Variants in IGF1 observed in about 807,000 individuals in gnomAD.
IGF1 encodes the protein insulin-like growth factor 1.
In IGF1, 4 loss-of-function variants were observed where a neutral mutation model predicts 13.8. That is an observed-to-expected ratio of 0.29 (90% CI 0.14 to 0.66). The LOEUF (loss-of-function observed/expected upper bound fraction) is 0.66. IGF1 is among the 30% of genes least tolerant of loss of function. IGF1 has a pLI of 0.78. For missense variants in IGF1, 124 were observed against 188.5 expected (o/e 0.66, Z 2.00); for synonymous variants, 76 against 72.6 (o/e 1.05, Z -0.23).
intron 2 of IGF1, among the ~76,000 whole-genome samples, chr12:102,444,427 G>T (rs1407385623): frequency 6.6e-6 from 1 of 151,990 alleles, no homozygotes; most frequent in Non-Finnish European, 1.5e-5. Context: ...ATCAGGAAAT[G>T]AAAGCATTCT....
intron 3 of IGF1, among the ~76,000 whole-genome samples, chr12:102,416,269 C>A (rs1464471843): frequency 6.6e-6 from 1 of 152,322 alleles, no homozygotes; most frequent in East Asian, 1.9e-4. Flanking sequence ...CCTTTCTCAG[C>A]TCTTCTAATT....
chr12:102,417,725 C>A (rs1189086904), intron 3 of IGF1: 15 of 1,556,788 alleles, frequency 9.6e-6, no homozygotes, highest in Non-Finnish European at 1.3e-5. Context: ...GCCTACTTTT[C>A]TTCATTTCCT....
At chr12:102,474,234 C>T (rs560553671) in intron 2 of IGF1, among the ~76,000 whole-genome samples, 20 of 152,260 alleles carry the variant, frequency 1.3e-4, no homozygotes, top group African/African-American at 4.8e-4. Context: ...AATCACTCAC[C>T]CAATGCACTC....
At chr12:102,424,625 A>G (rs1876036775) in intron 2 of IGF1, among the ~76,000 whole-genome samples, 2 of 152,186 alleles carry the variant, frequency 1.3e-5, no homozygotes, top group South Asian at 4.1e-4. Context: ...ATTGTATAAG[A>G]TATGAATAAT....
intron 3 of IGF1, among the ~76,000 whole-genome samples, chr12:102,408,918 G>C (rs1874400671): frequency 6.6e-6 from 1 of 152,040 alleles, no homozygotes; most frequent in Non-Finnish European, 1.5e-5. Flanking sequence ...CCCTATTTCT[G>C]TTCACACATT....
intron 2 of IGF1, among the ~76,000 whole-genome samples, chr12:102,450,468 G>A (rs1376135093): frequency 1.3e-5 from 2 of 152,200 alleles, no homozygotes; most frequent in East Asian, 3.9e-4. Context: ...GCTCCACTTG[G>A]AGACAAATGG....
At chr12:102,450,420 C>T (rs1399014495) in intron 2 of IGF1, among the ~76,000 whole-genome samples, 1 of 152,258 alleles carries the variant, frequency 6.6e-6, no homozygotes, top group Non-Finnish European at 1.5e-5. Flanking sequence ...ATGGCCCCAG[C>T]AGCTCTCTGC....
intron 2 of IGF1, among the ~76,000 whole-genome samples, chr12:102,462,114 C>G (rs556256328): frequency 6.6e-6 from 1 of 152,160 alleles, no homozygotes; most frequent in African/African-American, 2.4e-5. Flanking sequence ...GACTCTATGT[C>G]TATGTGTATT....
At chr12:102,420,848 G>T (rs1243901287) in intron 2 of IGF1, among the ~76,000 whole-genome samples, 1 of 152,170 alleles carries the variant, frequency 6.6e-6, no homozygotes, top group Non-Finnish European at 1.5e-5. Flanking sequence ...GGGCACAGAA[G>T]AATCCAATTT....
intron 2 of IGF1, among the ~76,000 whole-genome samples, chr12:102,472,321 G>T (rs573885569): frequency 6.6e-6 from 1 of 152,040 alleles, no homozygotes; most frequent in East Asian, 1.9e-4. Flanking sequence ...GTGGAACTTG[G>T]GCTTGAAGGG....
chr12:102,409,340 C>G (rs1874438018), intron 3 of IGF1, among the ~76,000 whole-genome samples: 1 of 152,196 alleles, frequency 6.6e-6, no homozygotes, highest in South Asian at 2.1e-4. Context: ...TGTCTCTCCA[C>G]TAAAACATAA....
chr12:102,421,006 T>C (rs745768199), intron 2 of IGF1, among the ~76,000 whole-genome samples: 9 of 152,196 alleles, frequency 5.9e-5, no homozygotes, highest in East Asian at 1.9e-4. Context: ...CACTCCCTCA[T>C]TGGGGGAGAT....
intron 2 of IGF1, among the ~76,000 whole-genome samples, chr12:102,468,144 A>T (rs894333723): frequency 6.6e-6 from 1 of 152,014 alleles, no homozygotes; most frequent in Non-Finnish European, 1.5e-5. Flanking sequence ...CCTCTTTTTG[A>T]CCCCTCTTTT....
chr12:102,435,845 G>A (rs149995279), intron 2 of IGF1, among the ~76,000 whole-genome samples: 77 of 152,332 alleles, frequency 5.1e-4, no homozygotes, highest in African/African-American at 1.7e-3. Flanking sequence ...TTTTAGAGTT[G>A]CTGTTTCAAC....
chr12:102,431,228 A>G (rs1252454526), intron 2 of IGF1, among the ~76,000 whole-genome samples: 1 of 152,244 alleles, frequency 6.6e-6, no homozygotes, highest in Non-Finnish European at 1.5e-5. Flanking sequence ...CACAGTGCAG[A>G]AAACACTTCC....
chr12:102,474,719 A>G (rs978196102), intron 2 of IGF1, among the ~76,000 whole-genome samples: 5 of 152,220 alleles, frequency 3.3e-5, no homozygotes, highest in Admixed American at 6.5e-5. Flanking sequence ...TAAAACTCCA[A>G]AGAATTATAA....
intron 2 of IGF1, among the ~76,000 whole-genome samples, chr12:102,441,923 T>C (rs1389672098): frequency 2.6e-4 from 33 of 124,932 alleles, no homozygotes; most frequent in Middle Eastern, 3.7e-3. Flanking sequence ...CTCCTTCTTC[T>C]TCTTCTTCTT....
intron 2 of IGF1, among the ~76,000 whole-genome samples, chr12:102,454,097 T>A (rs1015074104): frequency 5.3e-5 from 8 of 152,248 alleles, no homozygotes; most frequent in African/African-American, 1.9e-4. Context: ...TGGCTGGATG[T>A]CTCATGCACC....
rs1301431604 is a variant in IGF1 at position 102,417,791 on chromosome 12, CCT to C, written c.402+1716_402+1717del. 1.9e-6 allele frequency: 3 copies of C among 1,613,348 alleles called. No homozygotes were observed. In the East Asian group the frequency reaches 6.7e-5, roughly 36 times the overall value. On this transcript the variant is annotated intron_variant, in intron 3 of 3. Coordinates refer to ENST00000337514, the MANE Select transcript of IGF1 (RefSeq NM_000618.5). ...GTCTGCTCCTCTCTCATCATCCTTG[CCT>C]CTGTCTGTTTAATCCTCCTGTCCTT... is the stretch of plus-strand genomic sequence containing the variant.
Sources: allele counts gnomAD v4.1 joint callset (sites outside exome capture counted in the v4.1 genomes callset), GRCh38; gene constraint gnomAD v4.1.1; transcripts MANE v1.5; gene names NCBI Gene and HGNC (gene_info 2026-07-23, HGNC 2026-07-21).